LRRC72: variants seen among roughly 807,000 people sequenced by gnomAD.
LRRC72 encodes leucine-rich repeat-containing protein 72.
Under a neutral mutation model 35.8 loss-of-function variants are expected in LRRC72, and 41 were observed. The observed-to-expected ratio is 1.15, with a 90% CI of 0.89 to 1.49. The LOEUF (loss-of-function observed/expected upper bound fraction) is 1.49. LRRC72 is among the 40% of genes most tolerant of loss of function. The pLI is 0.00. For synonymous variants in LRRC72, 118 were observed against 119.2 expected (o/e 0.99, Z 0.07); for missense variants, 389 against 330.7 (o/e 1.18, Z -1.37).
Position 16,527,043 on chromosome 7 carries a change from G to C in LRRC72, c.90+1G>C, listed in dbSNP as rs1369151591. ...AACTGCCCTACAGAGCAGTCGCCGG[G>C]TAAGCGGCACCTGCCTTCCCAAGCC... is the stretch of plus-strand genomic sequence containing the variant. On this transcript the variant is annotated splice_donor_variant, in intron 1 of 8. Coordinates refer to ENST00000401542, the MANE Select transcript of LRRC72 (RefSeq NM_001195280.2). LOFTEE classifies it high-confidence loss of function. The C allele has an allele frequency of 2.6e-6, 4 of 1,537,572 alleles. No individual in the cohort carries two copies. The highest frequency in any genetic ancestry group is 4.9e-5 in the East Asian group (2 of 40,902).
chr7:16,529,221 G>A (rs946778709), intron 1 of LRRC72, among the ~76,000 whole-genome samples: 10 of 152,090 alleles, frequency 6.6e-5, no homozygotes, highest in African/African-American at 2.4e-4. Context: ...TTCAGCCAAA[G>A]GCTGTACAGC....
intron 3 of LRRC72, among the ~76,000 whole-genome samples, chr7:16,547,715 C>T (rs1782472908): frequency 1.3e-5 from 2 of 152,224 alleles, no homozygotes; most frequent in African/African-American, 4.8e-5. Flanking sequence ...TATGCCAGCC[C>T]CCTGCCACCT....
intron 5 of LRRC72, among the ~76,000 whole-genome samples, chr7:16,561,414 G>T (rs754524901): frequency 6.6e-6 from 1 of 152,170 alleles, no homozygotes; most frequent in African/African-American, 2.4e-5. Context: ...CTAAACAAAG[G>T]TGCCCAGCCC....
intron 5 of LRRC72, among the ~76,000 whole-genome samples, chr7:16,559,904 C>G (rs926167159): frequency 6.6e-6 from 1 of 151,148 alleles, no homozygotes; most frequent in Non-Finnish European, 1.5e-5. Flanking sequence ...AACTAAAAGA[C>G]TTTTTAAGCT....
In LRRC72 at chr7:16,557,418, A is replaced by G; in HGVS notation, c.293A>G (p.Asn98Ser). ...TGTCTGACAGAACTATATCTAAACA[A>G]CAATGCAATATTTGAGATAGAAGGT... Reference protein sequence around the residue: ...NYCLTELYLNNNAIFEIEGLH... With the variant: ...NYCLTELYLNSNAIFEIEGLH... The change falls in exon 4 of 9, where the codon AAC (asparagine) becomes AGC (serine). Residue 98 changes from asparagine to serine, a missense_variant. Asn to Ser is a conservative substitution (Grantham distance 46). Coordinates refer to ENST00000401542, the MANE Select transcript of LRRC72 (RefSeq NM_001195280.2). The G allele has an allele frequency of 7.7e-7, 1 of 1,305,098 alleles. No individual in the cohort carries two copies. Among genetic ancestry groups the G allele is most frequent in the Non-Finnish European group, 1.0e-6 (1 of 994,158 alleles). 80.8% of individuals were successfully genotyped at this position (1,305,098 alleles called of 1,614,324 possible).
At chr7:16,574,492 T>A (rs1384224094) in intron 7 of LRRC72, among the ~76,000 whole-genome samples, 2 of 152,144 alleles carry the variant, frequency 1.3e-5, no homozygotes, top group Non-Finnish European at 2.9e-5. Flanking sequence ...GTTCATGTCC[T>A]TTGCAGGGAT....
At chr7:16,533,784 T>C (rs1298055659) in intron 2 of LRRC72, among the ~76,000 whole-genome samples, 2 of 152,142 alleles carry the variant, frequency 1.3e-5, no homozygotes, top group Admixed American at 1.3e-4. Flanking sequence ...AAATATATTT[T>C]TTAGTATGGA....
chr7:16,544,610 C>G (rs1052642211), intron 3 of LRRC72, among the ~76,000 whole-genome samples: 1 of 152,154 alleles, frequency 6.6e-6, no homozygotes, highest in Non-Finnish European at 1.5e-5. Flanking sequence ...GATAAATTAC[C>G]TAAGTGACCT....
At chr7:16,578,912 G>T (rs1204470964) in intron 7 of LRRC72, among the ~76,000 whole-genome samples, 1 of 152,176 alleles carries the variant, frequency 6.6e-6, no homozygotes, top group African/African-American at 2.4e-5. Context: ...ATCTAAAATA[G>T]TCAAACTCAT....
Position 16,555,527 on chromosome 7 carries a change from A to G in LRRC72, c.235-1833A>G, listed in dbSNP as rs547214770. Reference sequence around the variant, plus strand: ...GTGGCTCACGCCTATAATCCCAGCAATTCGGGAGGCCAAGGCGGGTGGATC... The same window carrying G: ...GTGGCTCACGCCTATAATCCCAGCAGTTCGGGAGGCCAAGGCGGGTGGATC... On this transcript the variant is annotated intron_variant, in intron 3 of 8. Coordinates refer to ENST00000401542, the MANE Select transcript of LRRC72 (RefSeq NM_001195280.2). Among the ~76,000 whole-genome samples the G allele has an allele frequency of 7.9e-5, 12 of 152,296 alleles. 1 individual carries two copies. The highest frequency in any genetic ancestry group is 2.2e-4 in the African/African-American group (9 of 41,582).
chr7:16,541,682 G>A (rs559302666), intron 3 of LRRC72, among the ~76,000 whole-genome samples: 63 of 152,336 alleles, frequency 4.1e-4, no homozygotes, highest in Admixed American at 1.7e-3. Context: ...GGGAGGCCGA[G>A]GCGAATGGAT....
chr7:16,555,211 G>A (rs1300626022), intron 3 of LRRC72, among the ~76,000 whole-genome samples: 4 of 152,188 alleles, frequency 2.6e-5, no homozygotes, highest in Admixed American at 6.5e-5. Context: ...ATTTGGTGGA[G>A]ATGAGTCTGT....
intron 7 of LRRC72, among the ~76,000 whole-genome samples, chr7:16,570,970 GT>G (rs1376180005): frequency 1.3e-5 from 2 of 148,642 alleles, no homozygotes; most frequent in Admixed American, 1.3e-4. Flanking sequence ...CCTGGTTTTT[GT>G]TTCTGTTTTT....
In LRRC72 at chr7:16,557,346, ACT is replaced by A. The variant is rs772775260; in HGVS notation, c.235-10_235-9del. 4.5e-5 allele frequency: 49 copies of A among 1,093,932 alleles called. No homozygotes were observed. The Middle Eastern group carries it at 1.3e-3, about 28-fold the overall frequency. The allele number at this position is 1,093,932 out of a possible 1,614,324, so 67.8% of individuals were successfully genotyped here. A position where few individuals can be genotyped will look rare whatever the true frequency, so the allele number is the denominator to read the frequency against. On this transcript the variant is annotated splice_polypyrimidine_tract_variant and intron_variant, in intron 3 of 8. Coordinates refer to ENST00000401542, the MANE Select transcript of LRRC72 (RefSeq NM_001195280.2). Reference sequence around the variant, plus strand: ...ATTATAGAAAGTATATTGTTCTCTAACTCTCATTTTTAGCTCCATGGAATAAC... The same window carrying A: ...ATTATAGAAAGTATATTGTTCTCTAACTCATTTTTAGCTCCATGGAATAAC...
chr7:16,578,346 G>A (rs1223843128), intron 7 of LRRC72, among the ~76,000 whole-genome samples: 2 of 152,022 alleles, frequency 1.3e-5, no homozygotes, highest in Non-Finnish European at 2.9e-5. Context: ...GGTAGCAGGC[G>A]CCTGTAATCC....
chr7:16,566,992 T>C (rs1165525008), intron 6 of LRRC72, among the ~76,000 whole-genome samples: 1 of 152,148 alleles, frequency 6.6e-6, no homozygotes, highest in Non-Finnish European at 1.5e-5. Context: ...CCTTTCTGTC[T>C]CTGCAGGTTT....
chr7:16,560,739 A>G (rs1010895729), intron 5 of LRRC72, among the ~76,000 whole-genome samples: 8 of 152,130 alleles, frequency 5.3e-5, no homozygotes, highest in Admixed American at 1.3e-4. Flanking sequence ...TGAAGCAACA[A>G]CAAAAATTGA....
At chr7:16,530,449 A>G (rs1782142537) in intron 1 of LRRC72, 1 of 152,162 alleles carries the variant, frequency 6.6e-6, no homozygotes, top group Non-Finnish European at 1.5e-5. Flanking sequence ...GTCCACTAAT[A>G]CTAATGCTAA....
At chr7:16,578,758 C>T (rs980954819) in intron 7 of LRRC72, among the ~76,000 whole-genome samples, 7 of 152,068 alleles carry the variant, frequency 4.6e-5, no homozygotes, top group African/African-American at 1.7e-4. Context: ...GTAAAGTATG[C>T]GCTTTTTGTA....
Sources: allele counts gnomAD v4.1 joint callset (sites outside exome capture counted in the v4.1 genomes callset), GRCh38; gene constraint gnomAD v4.1.1; transcripts MANE v1.5; gene names NCBI Gene and HGNC (gene_info 2026-07-23, HGNC 2026-07-21).